The following CNTNAP2 variants were observed in gnomAD, a reference collection of about 807,000 sequenced individuals.
CNTNAP2 encodes the protein contactin associated protein 2.
A neutral mutation model predicts 155.2 loss-of-function variants in CNTNAP2; 98 were observed. That is an observed-to-expected ratio of 0.63 (90% CI 0.54 to 0.75). CNTNAP2 has a LOEUF of 0.75. Ranked by LOEUF, CNTNAP2 falls within the 30% of genes least tolerant of loss-of-function variation. The pLI is 0.00. For synonymous variants in CNTNAP2, 651 were observed against 631.2 expected (o/e 1.03, Z -0.47); for missense variants, 1,727 against 1,688.1 (o/e 1.02, Z -0.40).
intron 14 of CNTNAP2, among the ~76,000 whole-genome samples, chr7:147,950,862 C>T (rs1237367920): frequency 2.0e-5 from 3 of 152,186 alleles, no homozygotes; most frequent in African/African-American, 7.2e-5. Flanking sequence ...GAGTGAAGGT[C>T]AAGAGAAATC....
chr7:147,062,237 C>T (rs1799698024), intron 4 of CNTNAP2, among the ~76,000 whole-genome samples: 1 of 138,442 alleles, frequency 7.2e-6, no homozygotes, highest in Non-Finnish European at 1.5e-5. Context: ...TTTTCAATAT[C>T]ACATTAAAAA....
chr7:146,199,027 C>T (rs1340396647), intron 1 of CNTNAP2, among the ~76,000 whole-genome samples: 1 of 152,114 alleles, frequency 6.6e-6, no homozygotes, highest in Non-Finnish European at 1.5e-5. Flanking sequence ...CTACATTTGT[C>T]GATTTTTTCC....
At chr7:147,527,379 T>C (rs1044274639) in intron 11 of CNTNAP2, among the ~76,000 whole-genome samples, 3 of 152,108 alleles carry the variant, frequency 2.0e-5, no homozygotes, top group Non-Finnish European at 2.9e-5. Context: ...TTAGAAATCT[T>C]AGAGAGCATA....
chr7:146,919,412 G>A (rs772721217), intron 3 of CNTNAP2, among the ~76,000 whole-genome samples: 24 of 152,162 alleles, frequency 1.6e-4, no homozygotes, highest in Non-Finnish European at 2.5e-4. Flanking sequence ...TCCCCTTAGG[G>A]ATGGGGCTTC....
chr7:147,864,712 T>A (rs1420154392), intron 13 of CNTNAP2, among the ~76,000 whole-genome samples: 1 of 152,216 alleles, frequency 6.6e-6, no homozygotes, highest in African/African-American at 2.4e-5. Flanking sequence ...AGTTCACTCA[T>A]GATTTGGCTC....
intron 23 of CNTNAP2, among the ~76,000 whole-genome samples, chr7:148,410,587 A>T (rs1165880138): frequency 2.9e-5 from 4 of 135,818 alleles, no homozygotes; most frequent in African/African-American, 1.1e-4. Context: ...AAAAAAAAAA[A>T]TACGAAAAGG....
Position 146,304,213 on chromosome 7 carries a change from C to T in CNTNAP2, c.97+187240C>T, listed in dbSNP as rs564759401. ...AATACAACACACTGATGGGTCTTGA[C>T]TCTTTATCCAGTTTTCCAGTCTGCA... On this transcript the variant is annotated intron_variant, in intron 1 of 23. Coordinates refer to ENST00000361727, the MANE Select transcript of CNTNAP2 (RefSeq NM_014141.6). Among the ~76,000 whole-genome samples the T allele has an allele frequency of 2.8e-4, 42 of 151,500 alleles. No individual in the cohort carries two copies. The South Asian group carries it at 8.8e-3, about 32-fold the overall frequency.
intron 21 of CNTNAP2, among the ~76,000 whole-genome samples, chr7:148,345,635 G>A (rs1295948371): frequency 4.6e-5 from 7 of 151,962 alleles, no homozygotes; most frequent in South Asian, 4.2e-4. Flanking sequence ...CGCCCATCTC[G>A]GCCTCCCAAA....
At chr7:147,232,452 A>C (rs951680107) in intron 8 of CNTNAP2, among the ~76,000 whole-genome samples, 1 of 152,242 alleles carries the variant, frequency 6.6e-6, no homozygotes, top group Non-Finnish European at 1.5e-5. Context: ...TTACAAGACT[A>C]TGGTAGTAAA....
At chr7:146,573,180 G>T (rs937705678) in intron 1 of CNTNAP2, among the ~76,000 whole-genome samples, 1 of 152,044 alleles carries the variant, frequency 6.6e-6, no homozygotes, top group Non-Finnish European at 1.5e-5. Context: ...GTCTCGCTCT[G>T]TCTCCAGGCT....
At chr7:147,715,197 G>T (rs570336360) in intron 13 of CNTNAP2, among the ~76,000 whole-genome samples, 1 of 152,178 alleles carries the variant, frequency 6.6e-6, no homozygotes, top group South Asian at 2.1e-4. Flanking sequence ...ATGTCCACAT[G>T]TATAATTCCT....
intron 1 of CNTNAP2, among the ~76,000 whole-genome samples, chr7:146,176,887 G>A (rs1386482398): frequency 2.0e-5 from 3 of 152,156 alleles, no homozygotes; most frequent in African/African-American, 7.2e-5. Context: ...AAGGTTTTGT[G>A]CCTCTAGCTA....
chr7:147,505,449 T>C (rs939024488), intron 11 of CNTNAP2, among the ~76,000 whole-genome samples: 3 of 152,188 alleles, frequency 2.0e-5, no homozygotes, highest in Non-Finnish European at 2.9e-5. Context: ...CTTTTATTAT[T>C]TTATAGCCAC....
chr7:146,754,792 T>C (rs1174693333), intron 1 of CNTNAP2, among the ~76,000 whole-genome samples: 4 of 151,032 alleles, frequency 2.6e-5, no homozygotes, highest in African/African-American at 9.9e-5. Context: ...ACTTTTTAGG[T>C]GATCTGTTTC....
intron 13 of CNTNAP2, among the ~76,000 whole-genome samples, chr7:147,692,435 T>TATC (rs1796100874): frequency 6.6e-6 from 1 of 152,224 alleles, no homozygotes; most frequent in African/African-American, 2.4e-5. Flanking sequence ...TACCAAAAAC[T>TATC]ATCTTCCAAA....
At chr7:147,336,971 C>A (rs141527741) in intron 9 of CNTNAP2, among the ~76,000 whole-genome samples, 1 of 152,130 alleles carries the variant, frequency 6.6e-6, no homozygotes, top group Non-Finnish European at 1.5e-5. Context: ...ATGTCCCCCA[C>A]CAGCTTAAAT....
chr7:146,799,161 G>C (rs1802829601), intron 2 of CNTNAP2, among the ~76,000 whole-genome samples: 1 of 152,116 alleles, frequency 6.6e-6, no homozygotes, highest in African/African-American at 2.4e-5. Flanking sequence ...ATTTGTTTTA[G>C]ATCAATTTCT....
chr7:146,217,387 G>A (rs1799130900), intron 1 of CNTNAP2, among the ~76,000 whole-genome samples: 1 of 152,044 alleles, frequency 6.6e-6, no homozygotes, highest in Non-Finnish European at 1.5e-5. Flanking sequence ...TTTATTTCAG[G>A]ATCGGGGTAC....
chr7:147,396,115 TGA>T (rs1406939420), intron 10 of CNTNAP2, among the ~76,000 whole-genome samples: 9 of 147,806 alleles, frequency 6.1e-5, no homozygotes, highest in Non-Finnish European at 1.2e-4. Context: ...ATAGCATATA[TGA>T]GATATATTGT....
Sources: gnomAD v4.1 joint callset for allele counts (sites outside exome capture counted in the v4.1 genomes callset) on GRCh38, gnomAD v4.1.1 for gene constraint, MANE v1.5 for transcripts, NCBI Gene and HGNC (gene_info 2026-07-23, HGNC 2026-07-21) for gene names.